Variants in PRKG1 observed in about 807,000 individuals in gnomAD.
PRKG1 encodes the protein cGMP-dependent protein kinase 1.
A neutral mutation model predicts 88.1 loss-of-function variants in PRKG1; 35 were observed. The observed-to-expected ratio is 0.40, with a 90% CI of 0.30 to 0.53. PRKG1 has a LOEUF of 0.53. Among genes scored for constraint, PRKG1 ranks in the 20% least tolerant of loss-of-function variants. The pLI, the probability that PRKG1 is intolerant of heterozygous loss-of-function variation, is 0.59. For synonymous variants in PRKG1, 303 were observed against 292.5 expected (o/e 1.04, Z -0.37); for missense variants, 540 against 839.8 (o/e 0.64, Z 4.41).
intron 5 of PRKG1, among the ~76,000 whole-genome samples, chr10:51,928,482 A>C (rs1283702057): frequency 2.6e-5 from 4 of 152,296 alleles, no homozygotes; most frequent in African/African-American, 4.8e-5. Context: ...CATGCTCTAG[A>C]AAAGAAGCTA....
chr10:51,181,273 C>T (rs1181121283), intron 2 of PRKG1, among the ~76,000 whole-genome samples: 1 of 110,374 alleles, frequency 9.1e-6, no homozygotes, highest in African/African-American at 3.6e-5. Flanking sequence ...CTCGCTCTGT[C>T]GCCCAGGCCG....
intron 4 of PRKG1, among the ~76,000 whole-genome samples, chr10:51,863,585 G>A (rs1473831940): frequency 1.3e-5 from 2 of 152,102 alleles, no homozygotes; most frequent in Non-Finnish European, 1.5e-5. Flanking sequence ...GTTGAGAGGT[G>A]GGGCCTAATG....
intron 5 of PRKG1, among the ~76,000 whole-genome samples, chr10:51,958,883 A>G (rs1843378850): frequency 6.6e-6 from 1 of 152,134 alleles, no homozygotes; most frequent in South Asian, 2.1e-4. Context: ...TGGGCCTTCT[A>G]GTCCAAGCCC....
chr10:51,687,730 T>A (rs1304816899), intron 3 of PRKG1, among the ~76,000 whole-genome samples: 1 of 152,222 alleles, frequency 6.6e-6, no homozygotes, highest in Non-Finnish European at 1.5e-5. Flanking sequence ...ATTTTTGGTG[T>A]GCCATGTTTC....
At chr10:51,231,656 T>G (rs905952016) in intron 2 of PRKG1, among the ~76,000 whole-genome samples, 1 of 152,134 alleles carries the variant, frequency 6.6e-6, no homozygotes, top group African/African-American at 2.4e-5. Context: ...CATTTCAAAC[T>G]AGACGTTCTG....
At chr10:51,145,240 T>C (rs1212885479) in intron 1 of PRKG1, among the ~76,000 whole-genome samples, 1 of 152,218 alleles carries the variant, frequency 6.6e-6, no homozygotes, top group Non-Finnish European at 1.5e-5. Context: ...ATGCTGACCT[T>C]GTTGGAAACA....
chr10:52,158,664 T>C (rs900194046), intron 8 of PRKG1, among the ~76,000 whole-genome samples: 1 of 151,812 alleles, frequency 6.6e-6, no homozygotes, highest in East Asian at 1.9e-4. Context: ...GGTTGACTTA[T>C]TGTTTGAGGA....
chr10:51,331,429 C>A (rs1342567312), intron 2 of PRKG1, among the ~76,000 whole-genome samples: 5 of 152,088 alleles, frequency 3.3e-5, no homozygotes, highest in African/African-American at 1.2e-4. Context: ...GCCTGAAATA[C>A]AGGTCTGGGG....
At chr10:51,996,541 T>C (rs1844448020) in intron 5 of PRKG1, among the ~76,000 whole-genome samples, 1 of 152,090 alleles carries the variant, frequency 6.6e-6, no homozygotes, top group Admixed American at 6.6e-5. Flanking sequence ...GCTTAACTAC[T>C]AATTACTAAT....
intron 8 of PRKG1, among the ~76,000 whole-genome samples, chr10:52,146,504 A>C (rs1273298886): frequency 6.6e-6 from 1 of 152,064 alleles, no homozygotes; most frequent in African/African-American, 2.4e-5. Context: ...TTTTTTCTCC[A>C]TTTCAAAGGT....
chr10:51,877,279 A>C (rs1053640078), intron 4 of PRKG1, among the ~76,000 whole-genome samples: 1 of 152,128 alleles, frequency 6.6e-6, no homozygotes, highest in Non-Finnish European at 1.5e-5. Context: ...GAATACTAAC[A>C]TCATCTGATT....
chr10:51,037,589 G>C (rs1192156556), intron 1 of PRKG1, among the ~76,000 whole-genome samples: 1 of 151,970 alleles, frequency 6.6e-6, no homozygotes, highest in Non-Finnish European at 1.5e-5. Context: ...TTTGAGACCA[G>C]CCTGGCCAAC....
At chr10:51,498,889 T>A (rs1027748106) in intron 3 of PRKG1, among the ~76,000 whole-genome samples, 3 of 151,164 alleles carry the variant, frequency 2.0e-5, no homozygotes, top group Non-Finnish European at 4.4e-5. Context: ...ATTTCTTAAA[T>A]CTATTTACCC....
intron 2 of PRKG1, among the ~76,000 whole-genome samples, chr10:51,278,709 C>T (rs966266263): frequency 1.3e-5 from 2 of 152,062 alleles, no homozygotes; most frequent in East Asian, 1.9e-4. Flanking sequence ...GGAATTTATC[C>T]GTTTCTTCTA....
chr10:52,148,962 T>A (rs562805949), intron 8 of PRKG1, among the ~76,000 whole-genome samples: 1 of 144,470 alleles, frequency 6.9e-6, no homozygotes, highest in South Asian at 2.2e-4. Context: ...TTTTGCTTTT[T>A]TTTTTTTTTT....
intron 2 of PRKG1, among the ~76,000 whole-genome samples, chr10:51,265,921 C>T (rs994053819): frequency 6.6e-5 from 10 of 152,190 alleles, no homozygotes; most frequent in South Asian, 6.2e-4. Context: ...TAAGGAACTA[C>T]AGTTTGTTTA....
chr10:51,114,530 ATAAAGG>A (rs1404892802), intron 1 of PRKG1, among the ~76,000 whole-genome samples: 3 of 152,104 alleles, frequency 2.0e-5, no homozygotes, highest in Non-Finnish European at 2.9e-5. Flanking sequence ...CAAGAGAAAT[ATAAAGG>A]TAAATAACAC....
chr10:50,993,193 G>A (rs1435095799), intron 1 of PRKG1, among the ~76,000 whole-genome samples: 8 of 152,186 alleles, frequency 5.3e-5, no homozygotes, highest in Non-Finnish European at 1.2e-4. Flanking sequence ...AGAAGACCAG[G>A]AGCTGGGAGC....
chr10:51,685,653 T>C (rs1840969141), intron 3 of PRKG1, among the ~76,000 whole-genome samples: 1 of 152,218 alleles, frequency 6.6e-6, no homozygotes, highest in African/African-American at 2.4e-5. Flanking sequence ...CAATATGTTA[T>C]ATTTCATTTT....
Sources: allele counts gnomAD v4.1 joint callset (sites outside exome capture counted in the v4.1 genomes callset), GRCh38; gene constraint gnomAD v4.1.1; transcripts MANE v1.5; gene names NCBI Gene and HGNC (gene_info 2026-07-23, HGNC 2026-07-21).